The following PPM1D variants were observed in gnomAD, a reference collection of about 807,000 sequenced individuals.
PPM1D encodes the protein protein phosphatase 1D.
Under a neutral mutation model 58.3 loss-of-function variants are expected in PPM1D, and 52 were observed. That is an observed-to-expected ratio of 0.89 (90% CI 0.71 to 1.12). The LOEUF is 1.12. Among genes scored for constraint, PPM1D ranks in the 50% most tolerant of loss-of-function variants. The pLI, the probability that PPM1D is intolerant of heterozygous loss-of-function variation, is 0.00. For synonymous variants in PPM1D, 278 were observed against 285.1 expected (o/e 0.98, Z 0.25); for missense variants, 564 against 777.2 (o/e 0.73, Z 3.26).
At chr17:60,661,888 C>T (rs1243198568) in intron 5 of PPM1D, among the ~76,000 whole-genome samples, 1 of 152,148 alleles carries the variant, frequency 6.6e-6, no homozygotes, top group Non-Finnish European at 1.5e-5. Flanking sequence ...ATAGGATAAA[C>T]CAAAAAACTA....
Position 60,663,442 on chromosome 17 carries a change from TCA to T in PPM1D, c.1711_1712del (p.Gln571AlafsTer6). The T allele has an allele frequency of 6.2e-7, 1 of 1,614,076 alleles. No homozygotes were observed. The highest frequency in any genetic ancestry group is 8.5e-7 in the Non-Finnish European group (1 of 1,180,022). On this transcript the variant is annotated frameshift_variant, in exon 6 of 6. Coordinates refer to ENST00000305921, the MANE Select transcript of PPM1D (RefSeq NM_003620.4). LOFTEE classifies it high-confidence loss of function. Reference protein sequence around the residue: ...GAQPASLPTTSQRKNSVKLTM... With the variant: ...GAQPASLPTTXQRKNSVKLTM... Reference sequence around the variant, plus strand: ...TCAGCCTGCAAGTCTCCCCACAACCTCACAGCGAAAGAACTCTGTTAAACTCA... The same window carrying T: ...TCAGCCTGCAAGTCTCCCCACAACCTCAGCGAAAGAACTCTGTTAAACTCA...
intron 4 of PPM1D, among the ~76,000 whole-genome samples, chr17:60,648,827 G>A (rs2031294645): frequency 6.8e-6 from 1 of 146,776 alleles, no homozygotes; most frequent in Non-Finnish European, 1.5e-5. Context: ...GCAGTGGCAT[G>A]ATCTCAGCTC....
chr17:60,618,057 A>G (rs974827330), intron 1 of PPM1D, among the ~76,000 whole-genome samples: 2 of 152,214 alleles, frequency 1.3e-5, no homozygotes, highest in African/African-American at 4.8e-5. Context: ...GTGTTCTTTT[A>G]TCATGTGCTG....
intron 1 of PPM1D, 80 bp downstream of exon 1, chr17:60,600,966 C>T: frequency 6.3e-7 from 1 of 1,582,896 alleles, no homozygotes; most frequent in East Asian, 2.3e-5. Context: ...CGCGTGGGCC[C>T]CCGGCACCCA....
At chr17:60,662,436 A>C (rs2031542182) in intron 5 of PPM1D, 1 of 152,976 alleles carries the variant, frequency 6.5e-6, no homozygotes, top group Admixed American at 6.5e-5. Flanking sequence ...TGTAGTAAGC[A>C]CTTAATGGCA....
At chr17:60,626,715 A>T (rs1029727185) in intron 2 of PPM1D, among the ~76,000 whole-genome samples, 29 of 151,974 alleles carry the variant, frequency 1.9e-4, no homozygotes, top group Non-Finnish European at 2.4e-4. Context: ...TTAAAAAAAA[A>T]TTTTAAGAAA....
intron 5 of PPM1D, among the ~76,000 whole-genome samples, chr17:60,657,373 ATT>A (rs2031459943): frequency 6.6e-6 from 1 of 152,196 alleles, no homozygotes; most frequent in Non-Finnish European, 1.5e-5. Context: ...AAATAAGCAA[ATT>A]TTAAGTAGAT....
chr17:60,610,618 A>T (rs1048508389), intron 1 of PPM1D, among the ~76,000 whole-genome samples: 2 of 152,130 alleles, frequency 1.3e-5, no homozygotes, highest in African/African-American at 4.8e-5. Context: ...TGTAGATAAA[A>T]TTTTTTTTAT....
At chr17:60,607,267 G>A (rs143850988) in intron 1 of PPM1D, among the ~76,000 whole-genome samples, 107 of 151,964 alleles carry the variant, frequency 7.0e-4, no homozygotes, top group African/African-American at 2.4e-3. Flanking sequence ...TAAGAAATAA[G>A]TTTTTTTGTT....
intron 1 of PPM1D, among the ~76,000 whole-genome samples, chr17:60,610,570 G>A (rs2030434582): frequency 6.6e-6 from 1 of 152,202 alleles, no homozygotes; most frequent in South Asian, 2.1e-4. Context: ...GTTTGGCAAA[G>A]TAAAGCCTAC....
chr17:60,616,599 G>C (rs570194058), intron 1 of PPM1D, among the ~76,000 whole-genome samples: 1 of 152,158 alleles, frequency 6.6e-6, no homozygotes, highest in South Asian at 2.1e-4. Context: ...GACAGAGTGA[G>C]ACTGTCTCAA....
intron 4 of PPM1D, among the ~76,000 whole-genome samples, chr17:60,651,941 G>C (rs549541977): frequency 2.5e-4 from 38 of 152,262 alleles, no homozygotes; most frequent in Non-Finnish European, 4.4e-4. Flanking sequence ...CATAAGGCAT[G>C]ATTGATTGTT....
chr17:60,656,913 A>T (rs1395383436), intron 5 of PPM1D, 72 bp downstream of exon 5: 1 of 1,606,388 alleles, frequency 6.2e-7, no homozygotes, highest in Non-Finnish European at 8.5e-7. Flanking sequence ...ACCTGGAAAC[A>T]ATTTTTAAAT....
At chr17:60,649,831 C>T (rs1356088731) in intron 4 of PPM1D, among the ~76,000 whole-genome samples, 3 of 152,058 alleles carry the variant, frequency 2.0e-5, no homozygotes, top group African/African-American at 7.2e-5. Flanking sequence ...ACTAACAATC[C>T]CATTAGATCA....
rs1290220952 is a variant in PPM1D at position 60,645,556 on chromosome 17, GTGTGTGTATATATATGTA to G, written c.827-2334_827-2317del. Among the ~76,000 whole-genome samples the G allele has an allele frequency of 2.5e-3, 303 of 120,312 alleles. 4 individuals carry two copies. The highest frequency in any genetic ancestry group is 0.012 in the African/African-American group (286 of 23,218). The allele number at this position is 120,312 out of a possible 152,430, so 78.9% of individuals were successfully genotyped here. A position where few individuals can be genotyped will look rare whatever the true frequency, so the allele number is the denominator to read the frequency against. ...TATGTGTATATATATGTATATATAT[GTGTGTGTATATATATGTA>G]TATATATATGTGTGTATATATATGT... On this transcript the variant is annotated intron_variant, in intron 3 of 5. Coordinates refer to ENST00000305921, the MANE Select transcript of PPM1D (RefSeq NM_003620.4).
intron 5 of PPM1D, 127 bp downstream of exon 5, chr17:60,656,968 A>C: frequency 6.3e-7 from 1 of 1,581,872 alleles, no homozygotes; most frequent in Non-Finnish European, 8.5e-7. Context: ...AAAGTGATGT[A>C]ACTTATTATC....
chr17:60,612,742 GT>G (rs573245496), intron 1 of PPM1D, among the ~76,000 whole-genome samples: 3 of 148,626 alleles, frequency 2.0e-5, no homozygotes, highest in East Asian at 2.0e-4. Flanking sequence ...ATAACAGTCT[GT>G]TTTTTTTTTC....
chr17:60,638,852 C>G (rs537319474), intron 3 of PPM1D, among the ~76,000 whole-genome samples: 1 of 152,042 alleles, frequency 6.6e-6, no homozygotes, highest in African/African-American at 2.4e-5. Flanking sequence ...TAGATGTCTC[C>G]TTGTCAACAT....
At chr17:60,609,137 G>A (rs1384247826) in intron 1 of PPM1D, among the ~76,000 whole-genome samples, 1 of 146,744 alleles carries the variant, frequency 6.8e-6, no homozygotes, top group Non-Finnish European at 1.5e-5. Flanking sequence ...TTAATCTCCC[G>A]GGCTGGAGTG....
Sources: gnomAD v4.1 joint callset for allele counts (sites outside exome capture counted in the v4.1 genomes callset) on GRCh38, gnomAD v4.1.1 for gene constraint, MANE v1.5 for transcripts, NCBI Gene and HGNC (gene_info 2026-07-23, HGNC 2026-07-21) for gene names.